The following KCNMA1 variants were observed in gnomAD, a reference collection of about 807,000 sequenced individuals.
KCNMA1 encodes the protein potassium calcium-activated channel subfamily M alpha 1.
In KCNMA1, 29 loss-of-function variants were observed where a neutral mutation model predicts 140.0. The observed-to-expected ratio is 0.21, with a 90% CI of 0.15 to 0.28. The LOEUF is 0.28. Among genes scored for constraint, KCNMA1 ranks in the 10% least tolerant of loss-of-function variants. The pLI is 1.00. For missense variants in KCNMA1, 880 were observed against 1,602.2 expected, an observed-to-expected ratio of 0.55 and a Z score of 7.70; for synonymous variants, 612 against 611.9, an observed-to-expected ratio of 1.00 and a Z score of 0.00.
chr10:77,627,385 C>G (rs2092665400), intron 1 of KCNMA1, among the ~76,000 whole-genome samples: 1 of 152,086 alleles, frequency 6.6e-6, no homozygotes, highest in Non-Finnish European at 1.5e-5. Context: ...AATTTATGGC[C>G]CAGCAACAGT....
chr10:77,219,362 T>C (rs2048824315), intron 3 of KCNMA1, among the ~76,000 whole-genome samples: 1 of 152,056 alleles, frequency 6.6e-6, no homozygotes, highest in African/African-American at 2.4e-5. Context: ...GACATAGGAC[T>C]CAGGCACTCA....
At chr10:77,052,180 C>G (rs2095393710) in intron 14 of KCNMA1, among the ~76,000 whole-genome samples, 5 of 152,168 alleles carry the variant, frequency 3.3e-5, no homozygotes, top group Non-Finnish European at 5.9e-5. Context: ...TACAGTGGTT[C>G]TCTGAATTGA....
At chr10:76,984,421 C>G (rs1425987407) in intron 19 of KCNMA1, among the ~76,000 whole-genome samples, 4 of 152,100 alleles carry the variant, frequency 2.6e-5, no homozygotes, top group Non-Finnish European at 5.9e-5. Flanking sequence ...AACTCCTAAC[C>G]TCAAGTGATC....
chr10:77,150,649 C>T (rs539283751), intron 5 of KCNMA1, among the ~76,000 whole-genome samples: 1 of 152,262 alleles, frequency 6.6e-6, no homozygotes, highest in East Asian at 1.9e-4. Flanking sequence ...AGAGCATAGC[C>T]CACATGGCAG....
intron 27 of KCNMA1, among the ~76,000 whole-genome samples, chr10:76,888,926 G>A (rs1351582325): frequency 6.6e-6 from 1 of 152,074 alleles, no homozygotes; most frequent in Non-Finnish European, 1.5e-5. Context: ...GGGTGTGGTG[G>A]TGTGTGCCTA....
At position 77,090,423 on chromosome 10, in the gene KCNMA1, A is replaced by G. The variant is rs1182112018; in HGVS notation, c.1311T>C (p.Asn437=). The part of the protein sequence containing the change: ...DFLHKDRDDV[N]VEIVFLHNIS... ...ACTTGTGAAGAAAAACGATCTCCAC[A>G]TTGACGTCATCCCGGTCCTTGTGCA... Residue 437 remains asparagine (N), a synonymous_variant, in exon 10 of 28, where the codon AAT becomes AAC. Coordinates refer to ENST00000286628, the MANE Select transcript of KCNMA1 (RefSeq NM_001161352.2). 6.2e-7 allele frequency: 1 copy of G among 1,613,450 alleles called. No homozygotes were observed. Among genetic ancestry groups the G allele is most frequent in the Middle Eastern group, 1.6e-4 (1 of 6,062 alleles).
rs201221365 is a variant in KCNMA1 at position 76,886,984 on chromosome 10, C to T, written c.*282G>A. On this transcript the variant is annotated 3_prime_UTR_variant, in exon 28 of 28. Transcript: ENST00000286628. ...CTCCCTTCTAATCTGTGAACTCGTTCCTGCAGTGAGCTATTTATGTCTGGA... is the reference window on the plus strand; with the variant it reads ...CTCCCTTCTAATCTGTGAACTCGTTTCTGCAGTGAGCTATTTATGTCTGGA... 4.7e-6 allele frequency: 6 copies of T among 1,268,138 alleles called. No homozygotes were observed. The highest frequency in any genetic ancestry group is 6.0e-6 in the Non-Finnish European group (6 of 994,366). The allele number at this position is 1,268,138 out of a possible 1,614,324, so 78.6% of individuals were successfully genotyped here. A position where few individuals can be genotyped will look rare whatever the true frequency, so the allele number is the denominator to read the frequency against.
intron 1 of KCNMA1, among the ~76,000 whole-genome samples, chr10:77,592,975 G>A (rs1445581081): frequency 6.6e-6 from 1 of 152,108 alleles, no homozygotes; most frequent in Admixed American, 6.5e-5. Context: ...GAATTGCCCT[G>A]GTCTCTTTTT....
intron 3 of KCNMA1, among the ~76,000 whole-genome samples, chr10:77,241,259 G>A (rs557533807): frequency 8.5e-5 from 13 of 152,244 alleles, no homozygotes; most frequent in African/African-American, 2.6e-4. Flanking sequence ...CAGTGCCTGA[G>A]GCCACTGTAC....
At chr10:77,123,554 G>A (rs1369106097) in intron 5 of KCNMA1, among the ~76,000 whole-genome samples, 2 of 152,126 alleles carry the variant, frequency 1.3e-5, no homozygotes, top group South Asian at 4.2e-4. Context: ...ATGTAGAAAC[G>A]TGGAGTAGAA....
rs1344908173 is a variant in KCNMA1, at chr10:77,637,639, C to T, written c.4G>A (p.Ala2Thr). ...CCGCCGCCGCCGCCGCCACCATTTG[C>T]CATAGCTAGCAACGGGCAGCCGGCG... M[A>T]NGGGGGGGSS... Residue 2 changes from alanine to threonine, a missense_variant, in exon 1 of 28, where the codon GCA becomes ACA. Physicochemically the swap from Ala to Thr is moderately conservative, Grantham distance 58. Around this residue, in one of 13 missense-constraint regions of KCNMA1, gnomAD observed 94 missense variants for 92.4 expected, o/e 1.02. Coordinates refer to ENST00000286628, the MANE Select transcript of KCNMA1 (RefSeq NM_001161352.2). The T allele has an allele frequency of 7.9e-6, 12 of 1,516,340 alleles. No homozygotes were observed. Among genetic ancestry groups the T allele is most frequent in the African/African-American group, 1.4e-5 (1 of 71,714 alleles). 93.9% of individuals were successfully genotyped at this position (1,516,340 alleles called of 1,614,324 possible).
intron 1 of KCNMA1, among the ~76,000 whole-genome samples, chr10:77,583,385 A>T (rs1303213449): frequency 2.0e-5 from 3 of 152,226 alleles, no homozygotes; most frequent in African/African-American, 7.2e-5. Context: ...TTGATAGAGC[A>T]TGGTTGAATA....
At chr10:76,992,952 C>T (rs189110940) in intron 19 of KCNMA1, among the ~76,000 whole-genome samples, 68 of 152,266 alleles carry the variant, frequency 4.5e-4, no homozygotes, top group Non-Finnish European at 8.7e-4. Context: ...TTATTTTCCC[C>T]CCATCGATGT....
chr10:76,891,820 T>A, intron 25 of KCNMA1, 101 bp from the exon 26 acceptor site: 2 of 930,608 alleles, frequency 2.1e-6, no homozygotes, highest in Non-Finnish European at 3.4e-6. Flanking sequence ...ATCTCCTGTT[T>A]AAAGTTCTGG....
intron 2 of KCNMA1, among the ~76,000 whole-genome samples, chr10:77,394,666 T>C (rs974311335): frequency 6.6e-6 from 1 of 152,226 alleles, no homozygotes; most frequent in Admixed American, 6.5e-5. Context: ...CCATCTCTAA[T>C]GCAGTACTTA....
chr10:77,395,825 CG>C (rs1209412107), intron 2 of KCNMA1, among the ~76,000 whole-genome samples: 12 of 152,300 alleles, frequency 7.9e-5, no homozygotes, highest in African/African-American at 2.4e-4. Context: ...CACTACCTGT[CG>C]GGGGAGACTG....
intron 2 of KCNMA1, among the ~76,000 whole-genome samples, chr10:77,333,396 GAAAGAAAAGA>G (rs147337166): frequency 0.24 from 34,019 of 142,818 alleles, 4,849 homozygotes; most frequent in Non-Finnish European, 0.34. Context: ...AAGAAAGAAA[GAAAGAAAAGA>G]AAAGAAAAGA....
At chr10:77,365,641 T>G (rs529245642) in intron 2 of KCNMA1, among the ~76,000 whole-genome samples, 1 of 152,334 alleles carries the variant, frequency 6.6e-6, no homozygotes, top group African/African-American at 2.4e-5. Flanking sequence ...TTGTTTCCTC[T>G]TTTCTTCCTC....
chr10:77,364,903 G>T (rs1324622665), intron 2 of KCNMA1, among the ~76,000 whole-genome samples: 1 of 152,166 alleles, frequency 6.6e-6, no homozygotes, highest in Non-Finnish European at 1.5e-5. Flanking sequence ...AATAATTTGG[G>T]CTATAAATAA....
Sources: gnomAD v4.1 joint callset for allele counts (sites outside exome capture counted in the v4.1 genomes callset) on GRCh38, gnomAD v4.1.1 for gene constraint, gnomAD v4.1.1 regional missense constraint, MANE v1.5 for transcripts, NCBI Gene and HGNC (gene_info 2026-07-23, HGNC 2026-07-21) for gene names.